The following RBFOX1 variants were observed in gnomAD, a reference collection of about 807,000 sequenced individuals.
RBFOX1 encodes the protein RNA binding fox-1 homolog 1.
Under a neutral mutation model 57.7 loss-of-function variants are expected in RBFOX1, and 8 were observed. That is an observed-to-expected ratio of 0.14 (90% CI 0.08 to 0.25). The LOEUF (loss-of-function observed/expected upper bound fraction) is 0.25, where lower values mean the gene tolerates loss of function less well. Among genes scored for constraint, RBFOX1 ranks in the 10% least tolerant of loss-of-function variants. The pLI, the probability that RBFOX1 is intolerant of heterozygous loss-of-function variation, is 1.00. For synonymous variants in RBFOX1, 326 were observed against 222.4 expected, an observed-to-expected ratio of 1.47 and a Z score of -4.15; for missense variants, 611 against 548.5, an observed-to-expected ratio of 1.11 and a Z score of -1.14.
intron 4 of RBFOX1, among the ~76,000 whole-genome samples, chr16:7,295,420 T>A (rs1489437224): frequency 1.3e-5 from 2 of 152,208 alleles, no homozygotes; most frequent in Non-Finnish European, 1.5e-5. Context: ...AAATACCTCA[T>A]AATAATAGTT....
intron 11 of RBFOX1, among the ~76,000 whole-genome samples, chr16:7,645,143 G>T (rs1396872419): frequency 6.6e-6 from 1 of 151,780 alleles, no homozygotes; most frequent in Admixed American, 6.6e-5. Flanking sequence ...TCACATTCTT[G>T]CCAATTCCTT....
chr16:7,304,613 A>T, intron 4 of RBFOX1: 1 of 981,244 alleles, frequency 1.0e-6, no homozygotes, highest in Non-Finnish European at 1.2e-6. Flanking sequence ...TTGCGATGGA[A>T]AGGGTGGATG....
intron 4 of RBFOX1, among the ~76,000 whole-genome samples, chr16:7,430,467 C>G (rs534389847): frequency 6.6e-6 from 1 of 152,252 alleles, no homozygotes; most frequent in African/African-American, 2.4e-5. Flanking sequence ...CAAGACCATC[C>G]TGGCTAACAA....
intron 1 of RBFOX1, among the ~76,000 whole-genome samples, chr16:5,344,691 T>C (rs2065102912): frequency 6.6e-6 from 1 of 152,232 alleles, no homozygotes; most frequent in South Asian, 2.1e-4. Flanking sequence ...GGATTTTATC[T>C]GCATTCCAAA....
chr16:5,797,808 G>C (rs188438196), intron 3 of RBFOX1, among the ~76,000 whole-genome samples: 5 of 152,266 alleles, frequency 3.3e-5, no homozygotes, highest in Non-Finnish European at 5.9e-5. Flanking sequence ...TTATTACACT[G>C]ACCTGAGTGA....
chr16:6,746,717 A>G (rs974095561), intron 3 of RBFOX1, among the ~76,000 whole-genome samples: 20 of 152,068 alleles, frequency 1.3e-4, no homozygotes, highest in African/African-American at 4.8e-4. Flanking sequence ...ATCCTTAACT[A>G]TTATTAATTA....
chr16:7,239,994 C>A (rs1023179577), intron 4 of RBFOX1, among the ~76,000 whole-genome samples: 20 of 152,086 alleles, frequency 1.3e-4, no homozygotes, highest in Admixed American at 7.9e-4. Flanking sequence ...TGAGACTGAG[C>A]CTAGCTCTGT....
chr16:6,604,290 A>G (rs1021977317), intron 2 of RBFOX1, among the ~76,000 whole-genome samples: 4 of 152,234 alleles, frequency 2.6e-5, no homozygotes, highest in African/African-American at 7.2e-5. Context: ...AAAAACCTCA[A>G]TAAATATTAT....
intron 4 of RBFOX1, among the ~76,000 whole-genome samples, chr16:7,356,096 A>G (rs1039553951): frequency 4.6e-5 from 7 of 152,212 alleles, no homozygotes; most frequent in African/African-American, 1.4e-4. Flanking sequence ...CAATGCATTG[A>G]TTGACGCATT....
intron 3 of RBFOX1, chr16:6,773,878 CTGTG>C (rs1227114528): frequency 3.5e-6 from 3 of 862,664 alleles, no homozygotes; most frequent in African/African-American, 1.9e-5. Context: ...GTGCGTTTGT[CTGTG>C]TGTATTTGTG....
intron 3 of RBFOX1, among the ~76,000 whole-genome samples, chr16:7,014,985 A>G (rs947862639): frequency 2.0e-5 from 3 of 152,086 alleles, no homozygotes; most frequent in African/African-American, 7.2e-5. Context: ...GGACCTCCCA[A>G]AGGGCTGGAA....
chr16:6,719,694 C>T (rs531676895), intron 3 of RBFOX1, among the ~76,000 whole-genome samples: 13 of 152,058 alleles, frequency 8.5e-5, no homozygotes, highest in Admixed American at 7.2e-4. Context: ...GATCCACCCA[C>T]CTTGGCCTCC....
In RBFOX1 at chr16:6,878,584, C is replaced by T. The variant is rs374517918; in HGVS notation, c.-15-173473C>T. Among the ~76,000 whole-genome samples, 34 of 152,288 alleles carry T rather than the reference C, an allele frequency of 2.2e-4. No individual in the cohort carries two copies. The East Asian group carries it at 3.3e-3, about 15-fold the overall frequency. On this transcript the variant is annotated intron_variant, in intron 3 of 15. Coordinates refer to ENST00000550418, the MANE Select transcript of RBFOX1 (RefSeq NM_018723.4). The stretch of plus-strand genomic sequence containing the variant: ...GCATCACATGGCGCATCCTGACTGA[C>T]ACATGCAGTGTCCTCATGTGAACAT...
chr16:6,706,006 A>C (rs1362512377), intron 3 of RBFOX1, among the ~76,000 whole-genome samples: 1 of 152,162 alleles, frequency 6.6e-6, no homozygotes, highest in African/African-American at 2.4e-5. Flanking sequence ...TGAAAGAGCA[A>C]GACTCTGTCT....
chr16:5,860,867 G>C (rs114581916), intron 3 of RBFOX1, among the ~76,000 whole-genome samples: 332 of 152,326 alleles, frequency 2.2e-3, no homozygotes, highest in African/African-American at 7.5e-3. Flanking sequence ...CAGCATCTTT[G>C]ATGGTCGTTC....
intron 1 of RBFOX1, chr16:5,366,562 G>C (rs1370289325): frequency 2.6e-6 from 1 of 389,602 alleles, no homozygotes; most frequent in East Asian, 6.6e-5. Context: ...AGAAATGCAA[G>C]CAAATATAGA....
chr16:7,073,178 G>A (rs1034856424), intron 4 of RBFOX1, among the ~76,000 whole-genome samples: 2 of 152,172 alleles, frequency 1.3e-5, no homozygotes, highest in Non-Finnish European at 2.9e-5. Flanking sequence ...CTGGCTATGG[G>A]CTGTCTTTGT....
chr16:7,694,132 C>G (rs1353609672), intron 14 of RBFOX1, among the ~76,000 whole-genome samples: 1 of 152,102 alleles, frequency 6.6e-6, no homozygotes, highest in African/African-American at 2.4e-5. Context: ...CCTTCTTTTT[C>G]CTTTTGTCGT....
intron 2 of RBFOX1, among the ~76,000 whole-genome samples, chr16:6,617,225 A>G (rs1380588715): frequency 6.6e-6 from 1 of 151,862 alleles, no homozygotes; most frequent in Non-Finnish European, 1.5e-5. Flanking sequence ...TGCTTGGAAA[A>G]ATACATGTTT....
Sources: allele counts gnomAD v4.1 joint callset (sites outside exome capture counted in the v4.1 genomes callset), GRCh38; gene constraint gnomAD v4.1.1; transcripts MANE v1.5; gene names NCBI Gene and HGNC (gene_info 2026-07-23, HGNC 2026-07-21).